PDE1C: variants seen among roughly 807,000 people sequenced by gnomAD.
The protein encoded by PDE1C is phosphodiesterase 1C, also known as dual specificity calcium/calmodulin-dependent 3',5'-cyclic nucleotide phosphodiesterase 1C.
A neutral mutation model predicts 93.1 loss-of-function variants in PDE1C; 62 were observed. That is an observed-to-expected ratio of 0.67 (90% CI 0.54 to 0.82). The LOEUF (loss-of-function observed/expected upper bound fraction) is 0.82. Ranked by LOEUF, PDE1C falls within the 40% of genes least tolerant of loss-of-function variation. The probability of loss-of-function intolerance (pLI) is 0.00; values close to 1 mark genes in which losing one functional copy is unlikely to be tolerated. For missense variants in PDE1C, 742 were observed against 884.6 expected (o/e 0.84, Z 2.04); for synonymous variants, 325 against 310.1 (o/e 1.05, Z -0.50).
chr7:32,179,239 G>A (rs934824160), intron 2 of PDE1C, among the ~76,000 whole-genome samples: 2 of 149,676 alleles, frequency 1.3e-5, no homozygotes, highest in Non-Finnish European at 3.0e-5. Context: ...TTGCCTTATC[G>A]CAACTAGGAA....
chr7:32,005,176 G>T (rs1786029391), intron 2 of PDE1C, among the ~76,000 whole-genome samples: 1 of 152,090 alleles, frequency 6.6e-6, no homozygotes, highest in African/African-American at 2.4e-5. Flanking sequence ...CCCTGGCCAT[G>T]AACTCTCATC....
At chr7:31,833,541 C>T (rs1310333417) in intron 11 of PDE1C, among the ~76,000 whole-genome samples, 2 of 151,912 alleles carry the variant, frequency 1.3e-5, no homozygotes, top group East Asian at 3.9e-4. Flanking sequence ...ACAATGACAT[C>T]CAGGCTGAGG....
intron 7 of PDE1C, among the ~76,000 whole-genome samples, chr7:31,851,093 C>CACATACAT (rs1554368385): frequency 2.0e-5 from 3 of 148,228 alleles, no homozygotes; most frequent in African/African-American, 7.5e-5. Flanking sequence ...CACACACACA[C>CACATACAT]ACACACATAA....
intron 2 of PDE1C, among the ~76,000 whole-genome samples, chr7:32,182,299 T>C (rs886402911): frequency 1.3e-4 from 20 of 152,236 alleles, no homozygotes; most frequent in African/African-American, 4.6e-4. Flanking sequence ...ACTCATTTTA[T>C]GAAGCCAGCA....
chr7:32,204,763 T>G (rs990506024), intron 2 of PDE1C, among the ~76,000 whole-genome samples: 8 of 152,220 alleles, frequency 5.3e-5, no homozygotes, highest in African/African-American at 1.7e-4. Flanking sequence ...GCTCACTTTC[T>G]CCAGGAGGAC....
At chr7:31,659,001 A>G in the PDE1C span, among the ~76,000 whole-genome samples, 1 of 152,252 alleles carries the variant, frequency 6.6e-6, no homozygotes, top group East Asian at 1.9e-4. Context: ...TCATCTAGTA[A>G]TTGCTTATTT....
chr7:32,281,907 C>T lies in PDE1C; in HGVS notation c.85+16744G>A, dbSNP rs556735600. On this transcript the variant is annotated intron_variant, in intron 1 of 18. Coordinates refer to the PDE1C transcript ENST00000396193. ...TGAAGCTGGAAACCATCATTCTGAG[C>T]AAACTATCGCAAGGACAGAACGTGT... Among the ~76,000 whole-genome samples, 3 of 152,094 alleles carry T rather than the reference C, an allele frequency of 2.0e-5. No individual in the cohort carries two copies. The South Asian group carries it at 6.2e-4, about 31-fold the overall frequency.
Position 32,084,644 on chromosome 7 carries a change from C to T in PDE1C, c.308+85141G>A, listed in dbSNP as rs1328307880. 7.9e-5 allele frequency among the ~76,000 whole-genome samples: 12 copies of T among 151,194 alleles called. No homozygotes were observed. The South Asian group carries it at 1.1e-3, about 13-fold the overall frequency. ...AAATGTAAAAGAACAGAAATTATAA[C>T]AAACTGTCTCTCAGACCACAGTACA... On this transcript the variant is annotated intron_variant, in intron 3 of 18. Coordinates refer to the PDE1C transcript ENST00000396193.
intron 1 of PDE1C, among the ~76,000 whole-genome samples, chr7:32,402,170 A>G (rs118082921): frequency 1.6e-3 from 241 of 152,222 alleles, no homozygotes; most frequent in Admixed American, 3.2e-3. Flanking sequence ...TAACAACCAC[A>G]TTCTACTGGC....
At chr7:31,692,188 A>G in the PDE1C span, among the ~76,000 whole-genome samples, 1 of 152,192 alleles carries the variant, frequency 6.6e-6, no homozygotes, top group Admixed American at 6.5e-5. Flanking sequence ...ACAATTATGA[A>G]TAAATCTGTC....
the PDE1C span, among the ~76,000 whole-genome samples, chr7:31,690,131 C>T: frequency 6.6e-6 from 1 of 152,216 alleles, no homozygotes; most frequent in Non-Finnish European, 1.5e-5. Flanking sequence ...AGCTGCTTTG[C>T]TCAGAGGAGG....
intron 1 of PDE1C, among the ~76,000 whole-genome samples, chr7:32,215,903 C>T (rs1189694931): frequency 6.6e-6 from 1 of 152,210 alleles, no homozygotes; most frequent in Non-Finnish European, 1.5e-5. Flanking sequence ...AGGAAATCTG[C>T]CCAGTGCACT....
intron 3 of PDE1C, among the ~76,000 whole-genome samples, chr7:32,168,156 A>G (rs1421893178): frequency 2.0e-5 from 3 of 152,222 alleles, no homozygotes; most frequent in African/African-American, 7.2e-5. Context: ...GTTGGCATAT[A>G]CCTGCATGCA....
chr7:31,680,206 G>A, the PDE1C span, among the ~76,000 whole-genome samples: 1 of 152,214 alleles, frequency 6.6e-6, no homozygotes, highest in African/African-American at 2.4e-5. Flanking sequence ...CTGTTCGGCT[G>A]AGTGGTGATC....
intron 11 of PDE1C, among the ~76,000 whole-genome samples, chr7:31,830,638 T>A (rs1790261983): frequency 6.6e-6 from 1 of 152,098 alleles, no homozygotes; most frequent in South Asian, 2.1e-4. Context: ...ACATCCCTAT[T>A]CTTCTCCTCC....
chr7:31,781,080 T>C (rs1342440807), intron 16 of PDE1C, among the ~76,000 whole-genome samples: 4 of 152,182 alleles, frequency 2.6e-5, no homozygotes. Context: ...ATGAATCCAA[T>C]TCATCAAGAG....
chr7:31,911,008 CA>C (rs1395240939), intron 2 of PDE1C, among the ~76,000 whole-genome samples: 1 of 151,998 alleles, frequency 6.6e-6, no homozygotes, highest in Non-Finnish European at 1.5e-5. Context: ...CTAAAACTAG[CA>C]AAAATATGTA....
At chr7:31,676,283 T>G in the PDE1C span, among the ~76,000 whole-genome samples, 1 of 151,960 alleles carries the variant, frequency 6.6e-6, no homozygotes, top group Non-Finnish European at 1.5e-5. Context: ...CAAGGACACA[T>G]GGAACATTCA....
At chr7:31,669,326 G>A in the PDE1C span, among the ~76,000 whole-genome samples, 1 of 152,016 alleles carries the variant, frequency 6.6e-6, no homozygotes, top group Non-Finnish European at 1.5e-5. Flanking sequence ...CCCAGGACAA[G>A]ACACTAGCCA....
Sources: gnomAD v4.1 joint callset for allele counts (sites outside exome capture counted in the v4.1 genomes callset) on GRCh38, gnomAD v4.1.1 for gene constraint, MANE v1.5 for transcripts, NCBI Gene and HGNC (gene_info 2026-07-23, HGNC 2026-07-21) for gene names.